Variants in EBF1 observed in about 807,000 individuals in gnomAD.
EBF1 encodes the protein transcription factor COE1.
A neutral mutation model predicts 68.4 loss-of-function variants in EBF1; 10 were observed. The observed-to-expected ratio is 0.15, with a 90% CI of 0.09 to 0.25. EBF1 has a LOEUF of 0.25. Among genes scored for constraint, EBF1 ranks in the 10% least tolerant of loss-of-function variants. EBF1 has a pLI of 1.00. For synonymous variants in EBF1, 298 were observed against 299.8 expected, an observed-to-expected ratio of 0.99 and a Z score of 0.06; for missense variants, 509 against 794.4, an observed-to-expected ratio of 0.64 and a Z score of 4.32.
intron 6 of EBF1, among the ~76,000 whole-genome samples, chr5:158,905,560 A>G (rs375596396): frequency 1.3e-5 from 2 of 152,172 alleles, no homozygotes; most frequent in African/African-American, 4.8e-5. Context: ...TATTTATCTT[A>G]CTGAAAAATG....
At chr5:158,715,718 C>T (rs1425150235) in intron 11 of EBF1, among the ~76,000 whole-genome samples, 2 of 152,058 alleles carry the variant, frequency 1.3e-5, no homozygotes, top group African/African-American at 4.8e-5. Flanking sequence ...TTTTTGTTTG[C>T]TGTAGTAGTG....
chr5:158,824,777 G>T (rs746726733), intron 7 of EBF1, among the ~76,000 whole-genome samples: 4 of 152,208 alleles, frequency 2.6e-5, no homozygotes, highest in South Asian at 2.1e-4. Flanking sequence ...CAGCTTGGAC[G>T]CCAGTCCCCA....
At chr5:158,988,090 T>C (rs1359680821) in intron 6 of EBF1, among the ~76,000 whole-genome samples, 1 of 152,142 alleles carries the variant, frequency 6.6e-6, no homozygotes, top group Non-Finnish European at 1.5e-5. Flanking sequence ...ATCTGGAACA[T>C]AGTAGGTGCT....
chr5:158,724,600 A>G (rs990994860), intron 11 of EBF1, among the ~76,000 whole-genome samples: 8 of 152,208 alleles, frequency 5.3e-5, no homozygotes, highest in African/African-American at 1.9e-4. Flanking sequence ...CCAGCTCTGT[A>G]TTTATGATAA....
chr5:158,825,433 A>G (rs1562040026), intron 7 of EBF1, among the ~76,000 whole-genome samples: 1 of 151,844 alleles, frequency 6.6e-6, no homozygotes, highest in Non-Finnish European at 1.5e-5. Flanking sequence ...CCCAAACCAT[A>G]TCTGTTTTCA....
chr5:159,058,854 C>A (rs563497206), intron 6 of EBF1, among the ~76,000 whole-genome samples: 1 of 152,188 alleles, frequency 6.6e-6, no homozygotes, highest in Non-Finnish European at 1.5e-5. Context: ...TAAGGCCATT[C>A]ATGTCAAACA....
chr5:158,747,052 G>C (rs1767746870), intron 10 of EBF1, among the ~76,000 whole-genome samples: 1 of 152,094 alleles, frequency 6.6e-6, no homozygotes, highest in African/African-American at 2.4e-5. Flanking sequence ...AGGTAGAGAG[G>C]GGCAAAGGCA....
chr5:159,095,712 T>A, intron 3 of EBF1, 37 bp from the exon 4 acceptor site: 2 of 1,610,300 alleles, frequency 1.2e-6, no homozygotes, highest in Non-Finnish European at 1.7e-6. Flanking sequence ...GAGAATTAAG[T>A]GAGAGGTTAC....
At chr5:159,041,048 A>G (rs35067041) in intron 6 of EBF1, among the ~76,000 whole-genome samples, 13,082 of 152,264 alleles carry the variant, frequency 0.086, 621 homozygotes, top group African/African-American at 0.14. Context: ...TTTTCCAAAG[A>G]GAAATACAGA....
At chr5:158,708,203 A>G (rs1758324049) in intron 14 of EBF1, 30 bp from the exon 15 acceptor site, 2 of 1,551,222 alleles carry the variant, frequency 1.3e-6, no homozygotes, top group East Asian at 2.4e-5. Flanking sequence ...AGGAGAAATC[A>G]GTGCCTTTCA....
chr5:159,055,750 A>G (rs2127840264), intron 6 of EBF1, among the ~76,000 whole-genome samples: 1 of 152,296 alleles, frequency 6.6e-6, no homozygotes, highest in East Asian at 1.9e-4. Context: ...ATGAATGGCA[A>G]TGGATTTGGT....
intron 14 of EBF1, among the ~76,000 whole-genome samples, chr5:158,711,522 A>T (rs960983095): frequency 6.6e-6 from 1 of 152,206 alleles, no homozygotes; most frequent in African/African-American, 2.4e-5. Context: ...AATTTTACAG[A>T]TGAGAAAATT....
intron 10 of EBF1, among the ~76,000 whole-genome samples, chr5:158,743,046 T>G (rs1052019028): frequency 2.6e-5 from 4 of 152,234 alleles, no homozygotes; most frequent in South Asian, 2.1e-4. Flanking sequence ...TGATTCCATT[T>G]GAAAAACTCT....
chr5:158,721,803 C>A (rs1761986391), intron 11 of EBF1, among the ~76,000 whole-genome samples: 1 of 152,060 alleles, frequency 6.6e-6, no homozygotes, highest in African/African-American at 2.4e-5. Context: ...CAGCTTGATT[C>A]ATTTTACCAA....
At chr5:158,829,704 T>C (rs1787077246) in intron 7 of EBF1, among the ~76,000 whole-genome samples, 1 of 152,180 alleles carries the variant, frequency 6.6e-6, no homozygotes, top group Non-Finnish European at 1.5e-5. Flanking sequence ...CAACCCCCTA[T>C]AGTCTACATT....
At chr5:158,743,523 C>T (rs988439031) in intron 10 of EBF1, among the ~76,000 whole-genome samples, 1 of 151,990 alleles carries the variant, frequency 6.6e-6, no homozygotes, top group East Asian at 1.9e-4. Flanking sequence ...TTTTAAAGAG[C>T]CATAGAAGTA....
At chr5:159,093,467 T>C (rs1782010555) in intron 4 of EBF1, among the ~76,000 whole-genome samples, 1 of 152,184 alleles carries the variant, frequency 6.6e-6, no homozygotes, top group Non-Finnish European at 1.5e-5. Flanking sequence ...TAAGTGCTAT[T>C]ATCGAAAATA....
In EBF1 at chr5:158,699,035, T is replaced by G. The variant is rs1413937646; in HGVS notation, c.*76A>C. ...AAAAGGCCTGAGTTAAAAGTTCCAC[T>G]CTGGGACTTGTATCAGATTACTCTC... On this transcript the variant is annotated 3_prime_UTR_variant, in exon 16 of 16. Transcript: ENST00000313708. 17 of 1,402,976 alleles carry G rather than the reference T, an allele frequency of 1.2e-5. No individual in the cohort carries two copies. Among genetic ancestry groups the G allele is most frequent in the South Asian group, 1.2e-4 (8 of 69,502 alleles). 86.9% of individuals were successfully genotyped at this position (1,402,976 alleles called of 1,614,324 possible).
At chr5:158,817,849 G>A (rs144352321) in intron 8 of EBF1, among the ~76,000 whole-genome samples, 62 of 152,120 alleles carry the variant, frequency 4.1e-4, no homozygotes, top group Non-Finnish European at 7.5e-4. Context: ...TTAATGTCTG[G>A]CATGTAGTGC....
Sources: allele counts gnomAD v4.1 joint callset (sites outside exome capture counted in the v4.1 genomes callset), GRCh38; gene constraint gnomAD v4.1.1; transcripts MANE v1.5; gene names NCBI Gene and HGNC (gene_info 2026-07-23, HGNC 2026-07-21).